The following CDK11A variants were observed in gnomAD, a reference collection of about 807,000 sequenced individuals.
The protein encoded by CDK11A is cyclin dependent kinase 11A, also known as cyclin-dependent kinase 11A.
CDK11A carries 55 observed loss-of-function variants against 83.6 expected under a neutral mutation model. The ratio of observed to expected loss-of-function variants is 0.66; its 90% confidence interval spans 0.53 to 0.82. CDK11A has a LOEUF of 0.82. CDK11A is among the 40% of genes least tolerant of loss of function. CDK11A has a pLI of 0.00. For synonymous variants in CDK11A, 247 were observed against 302.7 expected (o/e 0.82, Z 1.91); for missense variants, 564 against 810.1 (o/e 0.70, Z 3.69).
In CDK11A at chr1:1,720,850, C is replaced by G. The variant is rs192469056; in HGVS notation, c.227+746G>C. 4.0e-5 allele frequency among the ~76,000 whole-genome samples: 6 copies of G among 151,230 alleles called. No homozygotes were observed. The East Asian group carries it at 1.2e-3, about 29-fold the overall frequency. ...GGGACTACAGGTGTACACCACCATG[C>G]CAGGCTAATTTTTGTATTTGTAGTA... is the stretch of plus-strand genomic sequence containing the variant. On this transcript the variant is annotated intron_variant, in intron 3 of 19. Transcript: ENST00000404249.
At position 1,702,890 on chromosome 1, in the gene CDK11A, G is replaced by C. The variant is rs1218599889; in HGVS notation, c.*17C>G. 2 of 433,062 alleles carry C rather than the reference G, an allele frequency of 4.6e-6. No homozygotes were observed. Among genetic ancestry groups the C allele is most frequent in the South Asian group, 2.3e-5 (1 of 43,702 alleles). 26.8% of individuals were successfully genotyped at this position (433,062 alleles called of 1,614,324 possible). ...GTCCCGGCTGAGTTCTCCCCATGAC[G>C]GGGTCCACTCTGACCTTCAGAACTT... On this transcript the variant is annotated 3_prime_UTR_variant, in exon 20 of 20. Transcript: ENST00000404249.
rs370303160 is a variant in CDK11A, at chr1:1,716,341, C to T, written c.488+5G>A. 7.5e-5 allele frequency: 120 copies of T among 1,608,612 alleles called. 2 individuals are homozygous for T. Among genetic ancestry groups the T allele is most frequent in the Non-Finnish European group, 8.8e-5 (103 of 1,176,434 alleles). ...TAAAGTCCTCAACTGACCCAGCCCA[C>T]TCACCTTTCTCTCCTGGAATGCTCC... On this transcript the variant is annotated splice_donor_5th_base_variant and intron_variant, in intron 5 of 19. Transcript: ENST00000404249.
intron 4 of CDK11A, among the ~76,000 whole-genome samples, chr1:1,717,760 G>A (rs1185037741): frequency 6.7e-6 from 1 of 149,968 alleles, no homozygotes; most frequent in African/African-American, 2.5e-5. Flanking sequence ...TGTGACACAC[G>A]CATGCTTTCA....
intron 14 of CDK11A, 83 bp from the exon 15 acceptor site, chr1:1,704,427 C>G (rs1644225743): frequency 6.4e-7 from 1 of 1,567,400 alleles, no homozygotes; most frequent in Admixed American, 1.9e-5. Context: ...TCGGCAGCAA[C>G]AGAGGCTTCT....
rs540137559 is a variant in CDK11A, at chr1:1,704,093, G to C, written c.1740C>G (p.Thr580=). Residue 580 remains threonine (T), a synonymous_variant, in exon 16 of 20, where the codon ACC becomes ACG. Transcript: ENST00000404249. The stretch of plus-strand genomic sequence containing the variant: ...GGTACCACTGGGTCACCACGACCGG[G>C]GTGTAGGCCTTCAGAGGGGATCCGT... The part of the protein sequence containing the change: ...REYGSPLKAY[T]PVVVTQWYRA... 90 of 1,600,222 alleles carry C rather than the reference G, an allele frequency of 5.6e-5. 5 individuals carry two copies. In the South Asian group the frequency reaches 9.4e-4, roughly 17 times the overall value.
chr1:1,717,677 T>TGTATAGC (rs1644722500), intron 4 of CDK11A, among the ~76,000 whole-genome samples: 1 of 137,376 alleles, frequency 7.3e-6, no homozygotes, highest in Non-Finnish European at 1.6e-5. Flanking sequence ...GAGTTTGCTC[T>TGTATAGC]CTCTGGTTTT....
chr1:1,718,324 C>A (rs537389114), intron 4 of CDK11A, among the ~76,000 whole-genome samples: 1 of 147,288 alleles, frequency 6.8e-6, no homozygotes, highest in East Asian at 2.0e-4. Flanking sequence ...CTCTCTATAG[C>A]CCCTCTGAAC....
At chr1:1,714,692 C>T (rs1464254940) in intron 5 of CDK11A, among the ~76,000 whole-genome samples, 7 of 132,030 alleles carry the variant, frequency 5.3e-5, no homozygotes, top group Admixed American at 8.4e-5. Flanking sequence ...TCAAATACCT[C>T]GAGCACAGTA....
rs1645021892 is a variant in CDK11A at position 1,724,326 on chromosome 1, T to G, written c.-82A>C. 1 of 151,598 alleles carries G rather than the reference T, an allele frequency of 6.6e-6. No individual in the cohort carries two copies. The highest frequency in any genetic ancestry group is 6.6e-5 in the Admixed American group (1 of 15,182). The allele number at this position is 151,598 out of a possible 1,614,324, so 9.4% of individuals were successfully genotyped here. ...CAACCGGCGCTCGCCAGAAGTATCC[T>G]CACTTCCTGTGTTGACGCCTAATGA... On this transcript the variant is annotated 5_prime_UTR_variant, in exon 1 of 20. Coordinates refer to ENST00000404249, the MANE Select transcript of CDK11A (RefSeq NM_024011.4).
intron 3 of CDK11A, 50 bp from the exon 4 acceptor site, chr1:1,719,505 A>AG: frequency 7.4e-7 from 1 of 1,359,050 alleles, no homozygotes; most frequent in Non-Finnish European, 9.6e-7. Context: ...AGTGCGGAAA[A>AG]GCATCAGGCT....
Position 1,718,588 on chromosome 1 carries a change from T to C in CDK11A, c.355+740A>G, listed in dbSNP as rs543785069. On this transcript the variant is annotated intron_variant, in intron 4 of 19. Transcript: ENST00000404249. ...GCTTTCAGCTAGAGTATTCTCTCTATAGCCATTCTGAACGGTCTGTGACGC... is the reference window on the plus strand; with the variant it reads ...GCTTTCAGCTAGAGTATTCTCTCTACAGCCATTCTGAACGGTCTGTGACGC... Among the ~76,000 whole-genome samples the C allele has an allele frequency of 1.0e-3, 154 of 150,958 alleles. 7 individuals are homozygous for C. The highest frequency in any genetic ancestry group is 1.6e-3 in the Non-Finnish European group (105 of 67,590).
chr1:1,707,450 C>T lies in CDK11A; in HGVS notation c.1204G>A (p.Glu402Lys), dbSNP rs760680988. The change falls in exon 11 of 20, where the codon GAG (glutamate) becomes AAG (lysine). Residue 402 changes from glutamate (E) to lysine (K), a missense_variant. This residue lies in a region of CDK11A where 361 missense variants were observed against 402.7 expected (regional missense o/e 0.90). Coordinates refer to ENST00000404249, the MANE Select transcript of CDK11A (RefSeq NM_024011.4). ...TACTTGGGCAGCTCCTGCTTGAGCT[C>T]GATGGGCAACAGGGCAGGGGAGTCG... Reference protein sequence around the residue: ...VPDSPALLPIELKQELPKYLP... With the variant: ...VPDSPALLPIKLKQELPKYLP... 16 of 1,607,698 alleles carry T rather than the reference C, an allele frequency of 1.0e-5. 1 individual carries two copies. The South Asian group carries it at 1.3e-4, about 13-fold the overall frequency.
chr1:1,719,676 C>T (rs1307599403), intron 3 of CDK11A, among the ~76,000 whole-genome samples: 1 of 84,266 alleles, frequency 1.2e-5, no homozygotes. Context: ...AGTGTAGACA[C>T]GCGATCTCGG....
rs183126325 is a variant in CDK11A at position 1,719,907 on chromosome 1, G to A, written c.228-452C>T. Among the ~76,000 whole-genome samples, 338 of 150,502 alleles carry A rather than the reference G, an allele frequency of 2.2e-3. 10 individuals carry two copies. The highest frequency in any genetic ancestry group is 3.1e-3 in the Non-Finnish European group (206 of 67,514). ...TGGGATTACAGGCGTGAGCCACCGC[G>A]CCCGGCCTAGGAGTCTTAAGATTCA... On this transcript the variant is annotated intron_variant, in intron 3 of 19. Transcript: ENST00000404249.
intron 1 of CDK11A, among the ~76,000 whole-genome samples, chr1:1,723,488 C>CAAAAAAAAAAAAAAAAAAA (rs768913380): frequency 9.7e-5 from 2 of 20,614 alleles, no homozygotes; most frequent in East Asian, 1.2e-3. Flanking sequence ...GACCCCGTCT[C>CAAAAAAAAAAAAAAAAAAA]AAAAAAAAAA....
chr1:1,706,219 C>A (rs1326151563), intron 11 of CDK11A, among the ~76,000 whole-genome samples: 1 of 150,162 alleles, frequency 6.7e-6, no homozygotes, highest in African/African-American at 2.5e-5. Context: ...AGTATAGGTA[C>A]GCACCACCAC....
Position 1,703,550 on chromosome 1 carries a change from G to C in CDK11A, c.1986C>G (p.Ser662Arg). The stretch of plus-strand genomic sequence containing the variant: ...TGCGGAGGTTGTTGTAGGGGTGCTC[G>C]CTGAAGGTCATCTTTTTGACTACTG... Reference protein sequence around the residue: ...ELPVVKKMTFSEHPYNNLRKR... With the variant: ...ELPVVKKMTFREHPYNNLRKR... Residue 662 changes from serine (S) to arginine (R), a missense_variant, in exon 18 of 20, where the codon AGC becomes AGG. Around this residue, in one of 5 missense-constraint regions of CDK11A, gnomAD observed 361 missense variants for 402.7 expected, o/e 0.90. Transcript: ENST00000404249. The C allele has an allele frequency of 6.4e-7, 1 of 1,568,028 alleles. No individual in the cohort carries two copies.
chr1:1,719,333 T>A lies in CDK11A; in HGVS notation c.350A>T (p.Glu117Val). ...GAAAGTAAATGCTTCTGTACCCCCT[T>A]CTGCTGAATGGCTATGATGCCTACA... Reference protein sequence around the residue: ...EKCRHHSHSAEGGKHARVKER... With the variant: ...EKCRHHSHSAVGGKHARVKER... The change falls in exon 4 of 20, where the codon GAA becomes GTA. Residue 117 changes from glutamate (E) to valine (V), a missense_variant. Physicochemically the swap from Glu to Val is moderately radical, Grantham distance 121. This residue lies in a region of CDK11A where 151 missense variants were observed against 147.4 expected (regional missense o/e 1.02). Transcript: ENST00000404249. The A allele has an allele frequency of 6.6e-7, 1 of 1,523,458 alleles. No homozygotes were observed. Among genetic ancestry groups the A allele is most frequent in the African/African-American group, 1.4e-5 (1 of 70,248 alleles). The allele number at this position is 1,523,458 out of a possible 1,614,324, so 94.4% of individuals were successfully genotyped here.
At chr1:1,720,239 C>T (rs1390143910) in intron 3 of CDK11A, among the ~76,000 whole-genome samples, 1 of 150,088 alleles carries the variant, frequency 6.7e-6, no homozygotes, top group Non-Finnish European at 1.5e-5. Context: ...GGACTACAGG[C>T]GCCCACCACC....
Sources: gnomAD v4.1 joint callset for allele counts (sites outside exome capture counted in the v4.1 genomes callset) on GRCh38, gnomAD v4.1.1 for gene constraint, gnomAD v4.1.1 regional missense constraint, MANE v1.5 for transcripts, NCBI Gene and HGNC (gene_info 2026-07-23, HGNC 2026-07-21) for gene names.